AGBL4: variants seen among roughly 807,000 people sequenced by gnomAD.
AGBL4 encodes the protein AGBL carboxypeptidase 4.
A neutral mutation model predicts 66.4 loss-of-function variants in AGBL4; 58 were observed. The observed-to-expected ratio is 0.87, with a 90% CI of 0.71 to 1.09. The LOEUF is 1.09. AGBL4 is among the 50% of genes least tolerant of loss of function. AGBL4 has a pLI of 0.00. For synonymous variants in AGBL4, 234 were observed against 222.9 expected (o/e 1.05, Z -0.44); for missense variants, 579 against 631.0 (o/e 0.92, Z 0.88).
At chr1:49,408,745 T>C (rs1168872294) in intron 3 of AGBL4, among the ~76,000 whole-genome samples, 1 of 152,224 alleles carries the variant, frequency 6.6e-6, no homozygotes, top group South Asian at 2.1e-4. Flanking sequence ...TCTCGGGCCT[T>C]AGGCCATAGA....
In AGBL4 at chr1:49,598,182, C is replaced by T. The variant is rs531305929; in HGVS notation, c.282+99131G>A. On this transcript the variant is annotated intron_variant, in intron 3 of 13. Coordinates refer to ENST00000371839, the MANE Select transcript of AGBL4 (RefSeq NM_032785.4). Reference sequence around the variant, plus strand: ...AAATAGCTCTTATTATTTTGAGATACGTTCCATCATCTGAAGCCTTCTTCT... The same window carrying T: ...AAATAGCTCTTATTATTTTGAGATATGTTCCATCATCTGAAGCCTTCTTCT... Among the ~76,000 whole-genome samples, 227 of 152,178 alleles carry T rather than the reference C, an allele frequency of 1.5e-3. 1 individual carries two copies. Among genetic ancestry groups the T allele is most frequent in the Middle Eastern group, 6.8e-3 (2 of 294 alleles).
At chr1:49,372,485 A>G (rs1216606635) in intron 3 of AGBL4, among the ~76,000 whole-genome samples, 1 of 152,084 alleles carries the variant, frequency 6.6e-6, no homozygotes, top group Non-Finnish European at 1.5e-5. Flanking sequence ...AACTTTGTTC[A>G]TGCTGCTCTA....
chr1:49,081,732 TC>T (rs559774658), intron 4 of AGBL4, among the ~76,000 whole-genome samples: 31 of 152,316 alleles, frequency 2.0e-4, no homozygotes, highest in Admixed American at 5.9e-4. Flanking sequence ...AATGTGTTTT[TC>T]CAAGTCTTAG....
intron 3 of AGBL4, among the ~76,000 whole-genome samples, chr1:49,553,819 TTTATAA>T (rs1360004975): frequency 2.0e-5 from 3 of 152,146 alleles, no homozygotes; most frequent in African/African-American, 7.2e-5. Flanking sequence ...TATTATAATG[TTTATAA>T]TTAAAATTTA....
At chr1:49,697,184 A>G in intron 3 of AGBL4, 129 bp downstream of exon 3, 1 of 1,105,600 alleles carries the variant, frequency 9.0e-7, no homozygotes, top group Non-Finnish European at 1.2e-6. Flanking sequence ...TTGAACCAAA[A>G]CTGTATCATT....
chr1:49,511,692 GAGA>G (rs1649279499), intron 3 of AGBL4, among the ~76,000 whole-genome samples: 1 of 151,538 alleles, frequency 6.6e-6, no homozygotes, highest in African/African-American at 2.4e-5. Flanking sequence ...TTCTTCTTGG[GAGA>G]AGAAGACTAT....
At chr1:48,921,408 C>T (rs1654064021) in intron 5 of AGBL4, among the ~76,000 whole-genome samples, 1 of 152,162 alleles carries the variant, frequency 6.6e-6, no homozygotes. Context: ...ACAATAATAT[C>T]AGACATATGC....
intron 11 of AGBL4, among the ~76,000 whole-genome samples, chr1:48,543,024 A>C (rs1644099688): frequency 6.6e-6 from 1 of 152,196 alleles, no homozygotes; most frequent in Non-Finnish European, 1.5e-5. Flanking sequence ...GGATTTCCCC[A>C]AATGTTGGGC....
chr1:49,665,121 A>T (rs969158734), intron 3 of AGBL4, among the ~76,000 whole-genome samples: 1 of 152,146 alleles, frequency 6.6e-6, no homozygotes, highest in Admixed American at 6.6e-5. Context: ...AGAAAACAGT[A>T]TAGTACCATA....
At chr1:48,943,501 A>G (rs1656190166) in intron 5 of AGBL4, among the ~76,000 whole-genome samples, 1 of 152,208 alleles carries the variant, frequency 6.6e-6, no homozygotes, top group Admixed American at 6.5e-5. Context: ...ATGGGTCCTT[A>G]TACCCCCACA....
At chr1:49,654,107 C>A (rs1646067510) in intron 3 of AGBL4, among the ~76,000 whole-genome samples, 1 of 152,146 alleles carries the variant, frequency 6.6e-6, no homozygotes, top group African/African-American at 2.4e-5. Flanking sequence ...GGAAATCCAA[C>A]AGACTAACAG....
chr1:49,151,584 A>C (rs1447024241), intron 4 of AGBL4, among the ~76,000 whole-genome samples: 1 of 151,932 alleles, frequency 6.6e-6, no homozygotes, highest in East Asian at 1.9e-4. Flanking sequence ...AAAAAAAAAA[A>C]AAACCTGGTA....
chr1:49,825,273 A>G (rs1330690699), intron 2 of AGBL4, among the ~76,000 whole-genome samples: 2 of 152,222 alleles, frequency 1.3e-5, no homozygotes, highest in East Asian at 1.9e-4. Context: ...ACAATCATGC[A>G]TCTTATTTCT....
intron 3 of AGBL4, among the ~76,000 whole-genome samples, chr1:49,329,667 C>G (rs901257073): frequency 9.9e-5 from 15 of 151,658 alleles, no homozygotes; most frequent in Admixed American, 4.6e-4. Flanking sequence ...CCCCCCGCCC[C>G]CCGCCAAAAA....
chr1:49,025,325 T>TG (rs767114674), intron 5 of AGBL4, among the ~76,000 whole-genome samples: 38 of 152,268 alleles, frequency 2.5e-4, no homozygotes, highest in Non-Finnish European at 5.1e-4. Context: ...CTCCCTTCTC[T>TG]GGACCCTCTG....
chr1:49,624,816 A>G (rs1645434670), intron 3 of AGBL4, among the ~76,000 whole-genome samples: 2 of 152,216 alleles, frequency 1.3e-5, no homozygotes, highest in African/African-American at 4.8e-5. Context: ...TCTCCATGTG[A>G]GAAAATAATT....
At chr1:49,909,686 A>G (rs1490802803) in intron 1 of AGBL4, among the ~76,000 whole-genome samples, 1 of 152,176 alleles carries the variant, frequency 6.6e-6, no homozygotes, top group Non-Finnish European at 1.5e-5. Flanking sequence ...GAGATGACAT[A>G]TATTTTTAAA....
intron 3 of AGBL4, among the ~76,000 whole-genome samples, chr1:49,479,038 C>T (rs998812680): frequency 2.6e-5 from 4 of 151,804 alleles, no homozygotes; most frequent in South Asian, 2.1e-4. Context: ...CAAAATCATA[C>T]TCACTGAAAG....
intron 9 of AGBL4, among the ~76,000 whole-genome samples, chr1:48,627,728 C>A (rs1472353016): frequency 3.9e-5 from 6 of 152,102 alleles, no homozygotes; most frequent in Non-Finnish European, 5.9e-5. Context: ...GCAACACAGG[C>A]AGCAGCTGAG....
Sources: allele counts gnomAD v4.1 joint callset (sites outside exome capture counted in the v4.1 genomes callset), GRCh38; gene constraint gnomAD v4.1.1; transcripts MANE v1.5; gene names NCBI Gene and HGNC (gene_info 2026-07-23, HGNC 2026-07-21).